DENND1A: variants seen among roughly 807,000 people sequenced by gnomAD.
DENND1A encodes DENN domain-containing protein 1A.
DENND1A carries 51 observed loss-of-function variants against 113.7 expected under a neutral mutation model. The observed-to-expected ratio is 0.45, with a 90% CI of 0.36 to 0.57. The LOEUF (loss-of-function observed/expected upper bound fraction) is 0.57, where lower values mean the gene tolerates loss of function less well. Among genes scored for constraint, DENND1A ranks in the 20% least tolerant of loss-of-function variants. The pLI is 0.00. For synonymous variants in DENND1A, 565 were observed against 570.8 expected, an observed-to-expected ratio of 0.99 and a Z score of 0.14; for missense variants, 1,258 against 1,395.9, an observed-to-expected ratio of 0.90 and a Z score of 1.57.
At chr9:123,443,268 C>G (rs567503574) in intron 18 of DENND1A, among the ~76,000 whole-genome samples, 4 of 152,296 alleles carry the variant, frequency 2.6e-5, no homozygotes, top group African/African-American at 9.6e-5. Context: ...CAGATGTAAT[C>G]TTCTCCTCGG....
intron 13 of DENND1A, among the ~76,000 whole-genome samples, chr9:123,486,429 T>TA (rs1311405978): frequency 2.6e-5 from 4 of 152,052 alleles, no homozygotes; most frequent in African/African-American, 9.7e-5. Flanking sequence ...CCAGAGCTGC[T>TA]AGCCCAGCCC....
At chr9:123,459,744 C>G (rs1404531601) in intron 13 of DENND1A, among the ~76,000 whole-genome samples, 1 of 151,908 alleles carries the variant, frequency 6.6e-6, no homozygotes, top group African/African-American at 2.4e-5. Context: ...TTTGAAGCTC[C>G]ACTTTTATAC....
At chr9:123,626,698 A>G (rs533979990) in intron 10 of DENND1A, among the ~76,000 whole-genome samples, 49 of 152,182 alleles carry the variant, frequency 3.2e-4, no homozygotes, top group Non-Finnish European at 6.5e-4. Flanking sequence ...TATGGCAGTG[A>G]GAAGAAACCA....
intron 13 of DENND1A, among the ~76,000 whole-genome samples, chr9:123,466,139 C>T (rs2048929067): frequency 6.6e-6 from 1 of 152,112 alleles, no homozygotes; most frequent in Admixed American, 6.6e-5. Flanking sequence ...GCTGGGACTA[C>T]AGGCGCCAGC....
At position 123,843,018 on chromosome 9, in the gene DENND1A, G is replaced by A. The variant is rs78475103; in HGVS notation, c.88+35933C>T. 1,224 of 463,650 alleles carry A rather than the reference G, an allele frequency of 2.6e-3. 12 individuals are homozygous for A. Among genetic ancestry groups the A allele is most frequent in the African/African-American group, 0.023 (1,130 of 49,620 alleles). The allele number at this position is 463,650 out of a possible 1,614,324, so 28.7% of individuals were successfully genotyped here. A position where few individuals can be genotyped will look rare whatever the true frequency, so the allele number is the denominator to read the frequency against. On this transcript the variant is annotated intron_variant, in intron 2 of 23. Coordinates refer to ENST00000394215, the MANE Select transcript of DENND1A (RefSeq NM_001352964.2). ...GTCCCTTCCCCAAGCGAGAGAGATA[G>A]CCACTCAAGAAAATACCATGAAAGA...
At chr9:123,492,272 C>G (rs2051440577) in intron 13 of DENND1A, among the ~76,000 whole-genome samples, 1 of 152,136 alleles carries the variant, frequency 6.6e-6, no homozygotes, top group South Asian at 2.1e-4. Flanking sequence ...AAAGGAGGCA[C>G]AAAGGAAGAG....
intron 3 of DENND1A, among the ~76,000 whole-genome samples, chr9:123,774,496 T>A (rs1830186148): frequency 6.6e-6 from 1 of 152,172 alleles, no homozygotes; most frequent in African/African-American, 2.4e-5. Flanking sequence ...TTTTTCTCCT[T>A]CACTATAAGT....
In DENND1A at chr9:123,402,841, G is replaced by A. The variant is rs563129703; in HGVS notation, c.1631+561C>T. On this transcript the variant is annotated intron_variant, in intron 21 of 23. Coordinates refer to ENST00000394215, the MANE Select transcript of DENND1A (RefSeq NM_001352964.2). ...ACTTCATCTACCCCACGCCTCCTGA[G>A]CAGGTGACTCTAGGCCAGTCCTACG... Among the ~76,000 whole-genome samples the A allele has an allele frequency of 7.0e-4, 106 of 152,272 alleles. 1 individual carries two copies. Among genetic ancestry groups the A allele is most frequent in the African/African-American group, 2.5e-3 (103 of 41,552 alleles).
At position 123,711,513 on chromosome 9, in the gene DENND1A, G is replaced by GTATATATATA. The variant is rs56814463; in HGVS notation, c.303-34734_303-34725dup. 8.5e-4 allele frequency among the ~76,000 whole-genome samples: 103 copies of GTATATATATA among 120,948 alleles called. 1 individual carries two copies. Among genetic ancestry groups the GTATATATATA allele is most frequent in the South Asian group, 2.3e-3 (9 of 3,878 alleles). 79.3% of individuals were successfully genotyped at this position (120,948 alleles called of 152,430 possible). A position where few individuals can be genotyped will look rare whatever the true frequency, so the allele number is the denominator to read the frequency against. ...TATATATATATATATATGTATATAT[G>GTATATATATA]TATATATATATATATATATATATAT... On this transcript the variant is annotated intron_variant, in intron 5 of 23. Coordinates refer to ENST00000394215, the MANE Select transcript of DENND1A (RefSeq NM_001352964.2).
chr9:123,643,134 G>A (rs2062117446), intron 9 of DENND1A, among the ~76,000 whole-genome samples: 1 of 152,130 alleles, frequency 6.6e-6, no homozygotes, highest in Non-Finnish European at 1.5e-5. Flanking sequence ...CTGGTGGGGA[G>A]ATGGAAGTAT....
At chr9:123,495,275 C>G (rs1399841544) in intron 13 of DENND1A, among the ~76,000 whole-genome samples, 1 of 152,030 alleles carries the variant, frequency 6.6e-6, no homozygotes, top group Non-Finnish European at 1.5e-5. Context: ...ACACTGGGAG[C>G]CAAACGAATG....
At chr9:123,527,043 G>C (rs1316609155) in intron 13 of DENND1A, among the ~76,000 whole-genome samples, 1 of 152,114 alleles carries the variant, frequency 6.6e-6, no homozygotes, top group Non-Finnish European at 1.5e-5. Flanking sequence ...CTTCATCCTA[G>C]TGGGTGGGAA....
Position 123,606,966 on chromosome 9 carries a change from A to G in DENND1A, c.765+2470T>C, listed in dbSNP as rs552762734. Among the ~76,000 whole-genome samples, 7 of 152,330 alleles carry G rather than the reference A, an allele frequency of 4.6e-5. No individual in the cohort carries two copies. In the East Asian group the frequency reaches 1.3e-3, roughly 29 times the overall value. ...TGCATGCAGAGGGTTGGGAATGTGGATATGTTTAGGGATCAGCAGGAGCAC... is the reference window on the plus strand; with the variant it reads ...TGCATGCAGAGGGTTGGGAATGTGGGTATGTTTAGGGATCAGCAGGAGCAC... On this transcript the variant is annotated intron_variant, in intron 11 of 23. Coordinates refer to ENST00000394215, the MANE Select transcript of DENND1A (RefSeq NM_001352964.2).
chr9:123,430,902 C>T (rs2046089601), intron 19 of DENND1A, among the ~76,000 whole-genome samples: 1 of 152,102 alleles, frequency 6.6e-6, no homozygotes, highest in South Asian at 2.1e-4. Flanking sequence ...AACTTGGGGG[C>T]TGAGGCAGGA....
At chr9:123,523,890 A>G (rs572114311) in intron 13 of DENND1A, among the ~76,000 whole-genome samples, 1 of 152,342 alleles carries the variant, frequency 6.6e-6, no homozygotes, top group East Asian at 1.9e-4. Flanking sequence ...TTGAGTTTCT[A>G]TGAGGTGATC....
chr9:123,696,514 A>G (rs970422779), intron 5 of DENND1A, among the ~76,000 whole-genome samples: 5 of 152,216 alleles, frequency 3.3e-5, no homozygotes, highest in African/African-American at 1.2e-4. Flanking sequence ...CACTGAATAG[A>G]ATAAAGCATT....
chr9:123,672,792 A>G (rs1217044363), intron 6 of DENND1A, among the ~76,000 whole-genome samples: 1 of 152,224 alleles, frequency 6.6e-6, no homozygotes, highest in African/African-American at 2.4e-5. Context: ...TGAGCCAAAT[A>G]CATCTTTTTT....
chr9:123,669,714 G>A (rs556194807), intron 7 of DENND1A, among the ~76,000 whole-genome samples: 1 of 152,324 alleles, frequency 6.6e-6, no homozygotes, highest in South Asian at 2.1e-4. Context: ...GGGTTGCTTA[G>A]CTATACAGCA....
chr9:123,653,468 A>T (rs910153180), intron 8 of DENND1A, among the ~76,000 whole-genome samples: 1 of 152,192 alleles, frequency 6.6e-6, no homozygotes, highest in African/African-American at 2.4e-5. Context: ...TGTCCCTCTT[A>T]TGCACATCTA....
Sources: gnomAD v4.1 joint callset for allele counts (sites outside exome capture counted in the v4.1 genomes callset) on GRCh38, gnomAD v4.1.1 for gene constraint, MANE v1.5 for transcripts, NCBI Gene and HGNC (gene_info 2026-07-23, HGNC 2026-07-21) for gene names.